The following TESPA1 variants were observed in gnomAD, a reference collection of about 807,000 sequenced individuals.
The protein encoded by TESPA1 is thymocyte expressed, positive selection associated 1.
TESPA1 carries 33 observed loss-of-function variants against 57.9 expected under a neutral mutation model. That is an observed-to-expected ratio of 0.57 (90% CI 0.43 to 0.76). The LOEUF is 0.76. Among genes scored for constraint, TESPA1 ranks in the 30% least tolerant of loss-of-function variants. The pLI is 0.00. For missense variants in TESPA1, 618 were observed against 632.9 expected, an observed-to-expected ratio of 0.98 and a Z score of 0.25; for synonymous variants, 227 against 228.9, an observed-to-expected ratio of 0.99 and a Z score of 0.07.
At chr12:54,984,411 T>A (rs371588714) in intron 1 of TESPA1, among the ~76,000 whole-genome samples, 174 bp downstream of exon 1, 1 of 152,214 alleles carries the variant, frequency 6.6e-6, no homozygotes, top group South Asian at 2.1e-4. Flanking sequence ...CCCAGCATCG[T>A]TCTCCTAGGC....
intron 1 of TESPA1, chr12:54,983,864 C>T (rs1178377324): frequency 6.6e-6 from 1 of 152,144 alleles, no homozygotes; most frequent in African/African-American, 2.4e-5. Context: ...GAGCATGAAG[C>T]CCCCAATATT....
chr12:54,956,643 G>A (rs1414866989), intron 10 of TESPA1, among the ~76,000 whole-genome samples: 2 of 152,056 alleles, frequency 1.3e-5, no homozygotes, highest in Non-Finnish European at 2.9e-5. Flanking sequence ...TGTTGGCTGC[G>A]GGTCAAGGTC....
chr12:54,961,611 A>G (rs950161370), intron 9 of TESPA1, among the ~76,000 whole-genome samples: 17 of 152,150 alleles, frequency 1.1e-4, no homozygotes, highest in Non-Finnish European at 5.9e-5. Flanking sequence ...GAGTTGGTGG[A>G]CTTAGAGAAC....
chr12:54,961,098 A>G (rs2136088931), intron 10 of TESPA1, 70 bp downstream of exon 10: 1 of 1,588,936 alleles, frequency 6.3e-7, no homozygotes, highest in Non-Finnish European at 8.6e-7. Context: ...GGTTTAAAAA[A>G]AAAAAACCTT....
intron 3 of TESPA1, among the ~76,000 whole-genome samples, chr12:54,969,043 A>ATGTGTGTG (rs1221749138): frequency 1.8e-4 from 22 of 119,350 alleles, no homozygotes; most frequent in African/African-American, 7.4e-4. Context: ...ATATATATAT[A>ATGTGTGTG]TATGTGTGTG....
At chr12:54,971,450 T>G (rs543056834) in intron 3 of TESPA1, among the ~76,000 whole-genome samples, 83 of 152,348 alleles carry the variant, frequency 5.4e-4, no homozygotes, top group African/African-American at 2.0e-3. Flanking sequence ...AGCTTTTCCA[T>G]GCAATTAAGA....
intron 9 of TESPA1, 95 bp downstream of exon 9, chr12:54,962,336 A>G: frequency 7.2e-7 from 1 of 1,391,884 alleles, no homozygotes; most frequent in Non-Finnish European, 9.7e-7. Flanking sequence ...GGAAGCCTGG[A>G]TTATTTTTCC....
intron 10 of TESPA1, among the ~76,000 whole-genome samples, chr12:54,952,428 T>C (rs982984792): frequency 2.0e-5 from 3 of 152,242 alleles, no homozygotes; most frequent in Admixed American, 6.5e-5. Flanking sequence ...TTTTTCTAAA[T>C]AGTCAAACAA....
intron 1 of TESPA1, among the ~76,000 whole-genome samples, chr12:54,975,927 T>C (rs1387605949): frequency 1.3e-5 from 2 of 152,234 alleles, no homozygotes; most frequent in Non-Finnish European, 2.9e-5. Flanking sequence ...TACTGTTGTC[T>C]GATCTAACTT....
At chr12:54,976,003 G>A (rs954063591) in intron 1 of TESPA1, among the ~76,000 whole-genome samples, 4 of 152,200 alleles carry the variant, frequency 2.6e-5, no homozygotes, top group African/African-American at 9.6e-5. Context: ...AGCACTATGA[G>A]ACTTTGCTCT....
At chr12:54,959,329 T>C (rs1950935600) in intron 10 of TESPA1, among the ~76,000 whole-genome samples, 1 of 152,208 alleles carries the variant, frequency 6.6e-6, no homozygotes, top group Non-Finnish European at 1.5e-5. Context: ...CGGTTAGGTT[T>C]TTGGTATCTA....
chr12:54,952,248 T>C (rs1244629574), intron 10 of TESPA1, among the ~76,000 whole-genome samples: 1 of 152,242 alleles, frequency 6.6e-6, no homozygotes, highest in African/African-American at 2.4e-5. Context: ...CCCTCAACCT[T>C]GGACTTCCCA....
At chr12:54,974,365 A>G (rs758951866) in intron 2 of TESPA1, 35 bp downstream of exon 2, 3 of 1,534,638 alleles carry the variant, frequency 2.0e-6, no homozygotes, top group Admixed American at 2.0e-5. Context: ...TTGCCGCCAG[A>G]CAACATAGAC....
chr12:54,976,916 T>G (rs1371373909), intron 1 of TESPA1, among the ~76,000 whole-genome samples: 1 of 152,054 alleles, frequency 6.6e-6, no homozygotes, highest in Non-Finnish European at 1.5e-5. Flanking sequence ...TAACCTCGGT[T>G]TTCTCAAATT....
Position 54,949,568 on chromosome 12 carries a change from T to C in TESPA1, c.*824A>G, listed in dbSNP as rs971420316. On this transcript the variant is annotated 3_prime_UTR_variant, in exon 11 of 11. Coordinates refer to ENST00000449076, the MANE Select transcript of TESPA1 (RefSeq NM_001136030.3). ...CTGCATGTGCTCAAGCCCTGTTTAT[T>C]GACAAAACATTTAACTTCCAAAGCA... is the stretch of plus-strand genomic sequence containing the variant. The C allele has an allele frequency of 2.6e-5, 4 of 152,370 alleles. No homozygotes were observed. The highest frequency in any genetic ancestry group is 9.7e-5 in the African/African-American group (4 of 41,446). 9.4% of individuals were successfully genotyped at this position (152,370 alleles called of 1,614,324 possible). A position where few individuals can be genotyped will look rare whatever the true frequency, so the allele number is the denominator to read the frequency against.
At chr12:54,977,200 T>C (rs777482886) in intron 1 of TESPA1, among the ~76,000 whole-genome samples, 1 of 152,188 alleles carries the variant, frequency 6.6e-6, no homozygotes, top group Non-Finnish European at 1.5e-5. Context: ...CTGCTGTGTT[T>C]CTAATGCCTA....
rs1160315804 is a variant in TESPA1 at position 54,949,267 on chromosome 12, T to A, written c.*1125A>T. 1 of 152,196 alleles carries A rather than the reference T, an allele frequency of 6.6e-6. No homozygotes were observed. Among genetic ancestry groups the A allele is most frequent in the South Asian group, 2.1e-4 (1 of 4,828 alleles). The allele number at this position is 152,196 out of a possible 1,614,324, so 9.4% of individuals were successfully genotyped here. The stretch of plus-strand genomic sequence containing the variant: ...CAGTTTGTGCCTTCTCCCCTAATGC[T>A]GGCAATAGCACCAGAACAAAATCAA... On this transcript the variant is annotated 3_prime_UTR_variant, in exon 11 of 11. Coordinates refer to ENST00000449076, the MANE Select transcript of TESPA1 (RefSeq NM_001136030.3).
rs1300587235 is a variant in TESPA1 at position 54,950,403 on chromosome 12, T to TA, written c.*2-14dup. The TA allele has an allele frequency of 5.3e-5, 24 of 450,836 alleles. 1 individual carries two copies. The East Asian group carries it at 1.4e-3, about 26-fold the overall frequency. The allele number at this position is 450,836 out of a possible 1,614,324, so 27.9% of individuals were successfully genotyped here. A position where few individuals can be genotyped will look rare whatever the true frequency, so the allele number is the denominator to read the frequency against. ...TGGTGGAGAAAGCCTGCAATGGGAA[T>TA]AAAAAAGATACATATCATGCATTTT... On this transcript the variant is annotated splice_polypyrimidine_tract_variant and intron_variant, in intron 10 of 10. Coordinates refer to ENST00000449076, the MANE Select transcript of TESPA1 (RefSeq NM_001136030.3).
At chr12:54,970,755 C>CAAGG (rs1204414308) in intron 3 of TESPA1, among the ~76,000 whole-genome samples, 1 of 152,154 alleles carries the variant, frequency 6.6e-6, no homozygotes, top group African/African-American at 2.4e-5. Context: ...ATGAAAGAGC[C>CAAGG]AAGGTATTGC....
Sources: gnomAD v4.1 joint callset for allele counts (sites outside exome capture counted in the v4.1 genomes callset) on GRCh38, gnomAD v4.1.1 for gene constraint, MANE v1.5 for transcripts, NCBI Gene and HGNC (gene_info 2026-07-23, HGNC 2026-07-21) for gene names.